Variants in KANK1 observed in about 807,000 individuals in gnomAD.
KANK1 encodes the protein KN motif and ankyrin repeat domains 1.
Under a neutral mutation model 106.2 loss-of-function variants are expected in KANK1, and 109 were observed. The observed-to-expected ratio is 1.03, with a 90% confidence interval of 0.88 to 1.20. The LOEUF (loss-of-function observed/expected upper bound fraction) is 1.20, where lower values mean the gene tolerates loss of function less well. Among genes scored for constraint, KANK1 ranks in the 50% most tolerant of loss-of-function variants. The pLI, the probability that KANK1 is intolerant of heterozygous loss-of-function variation, is 0.00. For synonymous variants in KANK1, 873 were observed against 652.2 expected (o/e 1.34, Z -5.16); for missense variants, 2,399 against 1,710.7 (o/e 1.40, Z -7.10).
intron 1 of KANK1, among the ~76,000 whole-genome samples, chr9:536,931 G>C (rs2060331487): frequency 6.6e-6 from 1 of 152,144 alleles, no homozygotes; most frequent in Admixed American, 6.5e-5. Flanking sequence ...GGGTGCATCT[G>C]TTCCACCTGG....
rs555236912 is a variant in KANK1, at chr9:690,167, G to T, written c.37+13158G>T. On this transcript the variant is annotated intron_variant, in intron 2 of 11. Transcript: ENST00000382297. ...AAAAAAAAAAAAAAACTAGCTGGGT[G>T]TGTTGGCAGGCCCCTGTAATCCCAG... Among the ~76,000 whole-genome samples the T allele has an allele frequency of 9.3e-4, 138 of 149,056 alleles. 3 individuals are homozygous for T. Among genetic ancestry groups the T allele is most frequent in the African/African-American group, 3.1e-3 (128 of 40,756 alleles).
intron 1 of KANK1, among the ~76,000 whole-genome samples, chr9:658,874 C>T (rs1175934873): frequency 6.6e-6 from 1 of 152,086 alleles, no homozygotes; most frequent in African/African-American, 2.4e-5. Context: ...TAGTTAACTC[C>T]TACTTATCCT....
chr9:481,637 T>C (rs867193338), intron 3 of KANK1, among the ~76,000 whole-genome samples: 6 of 152,122 alleles, frequency 3.9e-5, no homozygotes, highest in Admixed American at 6.6e-5. Flanking sequence ...TAGGAAGCAT[T>C]TCTAACTTTG....
At chr9:631,673 C>G (rs1256598276) in intron 1 of KANK1, among the ~76,000 whole-genome samples, 1 of 152,186 alleles carries the variant, frequency 6.6e-6, no homozygotes, top group Non-Finnish European at 1.5e-5. Context: ...CTGCTGCTTC[C>G]AAAATAAAGT....
intron 1 of KANK1, among the ~76,000 whole-genome samples, chr9:608,155 A>G: frequency 6.8e-6 from 1 of 147,416 alleles, no homozygotes; most frequent in African/African-American, 2.5e-5. Flanking sequence ...CTCCTGCCTC[A>G]GCCTCCCGAG....
intron 1 of KANK1, among the ~76,000 whole-genome samples, chr9:644,424 A>G (rs922830934): frequency 1.1e-4 from 16 of 150,990 alleles, no homozygotes; most frequent in Non-Finnish European, 2.1e-4. Context: ...AAGGGGTTTA[A>G]TTGGCTCAGG....
intron 1 of KANK1, among the ~76,000 whole-genome samples, chr9:633,390 G>T (rs140749044): frequency 0.25 from 38,123 of 151,794 alleles, 4,805 homozygotes; most frequent in East Asian, 0.32. Context: ...CCCGGGAGGC[G>T]GAGGTTGCAG....
intron 1 of KANK1, among the ~76,000 whole-genome samples, chr9:617,077 A>G (rs1832019594): frequency 6.6e-6 from 1 of 152,118 alleles, no homozygotes; most frequent in African/African-American, 2.4e-5. Flanking sequence ...TTTTTTTAAT[A>G]TACTACCGTA....
At chr9:562,848 C>T (rs929249898) in intron 1 of KANK1, among the ~76,000 whole-genome samples, 4 of 152,110 alleles carry the variant, frequency 2.6e-5, no homozygotes, top group African/African-American at 9.7e-5. Flanking sequence ...ATGTTTGGCT[C>T]ATAGTTGCAA....
chr9:572,270 CT>C (rs1377885589), intron 1 of KANK1, among the ~76,000 whole-genome samples: 2 of 151,530 alleles, frequency 1.3e-5, no homozygotes, highest in Non-Finnish European at 1.5e-5. Context: ...ATCCTCCTGC[CT>C]CAGCCTCTTG....
At chr9:643,642 A>G (rs1480112059) in intron 1 of KANK1, among the ~76,000 whole-genome samples, 3 of 145,246 alleles carry the variant, frequency 2.1e-5, no homozygotes, top group Non-Finnish European at 4.5e-5. Flanking sequence ...GGCCTTCCAA[A>G]GTGTGAGGAT....
chr9:627,732 T>G (rs1356900281), intron 1 of KANK1, among the ~76,000 whole-genome samples: 1 of 152,238 alleles, frequency 6.6e-6, no homozygotes, highest in Non-Finnish European at 1.5e-5. Context: ...GAGAGTGCTG[T>G]GTGCTTGTTT....
At chr9:678,196 C>T (rs185112165) in intron 2 of KANK1, among the ~76,000 whole-genome samples, 70 of 152,240 alleles carry the variant, frequency 4.6e-4, no homozygotes, top group Non-Finnish European at 1.8e-4. Context: ...TTTTTTACTG[C>T]CCAGCTTCTT....
chr9:741,376 G>A (rs531854951), intron 9 of KANK1, among the ~76,000 whole-genome samples: 27 of 151,564 alleles, frequency 1.8e-4, no homozygotes, highest in African/African-American at 6.5e-4. Context: ...CTGGAGTGCA[G>A]TGGCGGGATC....
At chr9:580,479 G>T (rs1329342358) in intron 1 of KANK1, among the ~76,000 whole-genome samples, 1 of 152,200 alleles carries the variant, frequency 6.6e-6, no homozygotes, top group African/African-American at 2.4e-5. Flanking sequence ...ATTTTACAGA[G>T]AGCTGATTGG....
upstream of KANK1, among the ~76,000 whole-genome samples, chr9:503,878 C>T (rs1375587375): frequency 2.6e-5 from 4 of 152,212 alleles, no homozygotes; most frequent in African/African-American, 9.7e-5. Flanking sequence ...AATCCTGAGC[C>T]CCCGAGGCAG....
chr9:575,970 C>G (rs561603401), intron 1 of KANK1, among the ~76,000 whole-genome samples: 67 of 152,340 alleles, frequency 4.4e-4, no homozygotes, highest in Non-Finnish European at 8.4e-4. Flanking sequence ...TTACAGTGAG[C>G]TGAGATTGTG....
At chr9:684,614 C>G in intron 2 of KANK1, 1 of 983,148 alleles carries the variant, frequency 1.0e-6, no homozygotes, top group Non-Finnish European at 1.2e-6. Context: ...CACTTCCCCT[C>G]TTTCTTGAAT....
At chr9:721,258 A>T (rs1829245147) in intron 3 of KANK1, among the ~76,000 whole-genome samples, 1 of 152,176 alleles carries the variant, frequency 6.6e-6, no homozygotes, top group South Asian at 2.1e-4. Flanking sequence ...TGACAAGCTC[A>T]GGAGCCCCAC....
Sources: allele counts gnomAD v4.1 joint callset (sites outside exome capture counted in the v4.1 genomes callset), GRCh38; gene constraint gnomAD v4.1.1; transcripts MANE v1.5; gene names NCBI Gene and HGNC (gene_info 2026-07-23, HGNC 2026-07-21).